The following PAPPA2 variants were observed in gnomAD, a reference collection of about 807,000 sequenced individuals.
The protein encoded by PAPPA2 is pappalysin 2.
Under a neutral mutation model 176.4 loss-of-function variants are expected in PAPPA2, and 86 were observed. That is an observed-to-expected ratio of 0.49 (90% confidence interval 0.41 to 0.58). The LOEUF (loss-of-function observed/expected upper bound fraction) is 0.58, where lower values mean the gene tolerates loss of function less well. PAPPA2 is among the 20% of genes least tolerant of loss of function. The probability of loss-of-function intolerance (pLI) is 0.00; values close to 1 mark genes in which losing one functional copy is unlikely to be tolerated. For missense variants in PAPPA2, 2,073 were observed against 2,256.9 expected (o/e 0.92, Z 1.65); for synonymous variants, 809 against 852.2 (o/e 0.95, Z 0.88).
At chr1:176,552,555 T>G (rs1286982209) in intron 1 of PAPPA2, among the ~76,000 whole-genome samples, 2 of 152,016 alleles carry the variant, frequency 1.3e-5, no homozygotes, top group African/African-American at 4.8e-5. Flanking sequence ...TCCAATTTCT[T>G]GCCTTATAGA....
chr1:176,638,317 G>T (rs960702780), intron 3 of PAPPA2, among the ~76,000 whole-genome samples: 2 of 151,886 alleles, frequency 1.3e-5, no homozygotes, highest in African/African-American at 4.8e-5. Flanking sequence ...AATTCTTTGG[G>T]TATTTCCTCT....
chr1:176,769,496 TC>T (rs1664122149), intron 15 of PAPPA2, 110 bp from the exon 16 acceptor site: 1 of 1,152,834 alleles, frequency 8.7e-7, no homozygotes, highest in Non-Finnish European at 1.3e-6. Flanking sequence ...AAATAATTTG[TC>T]CCGTTTTAAA....
At chr1:176,767,624 G>T (rs1664040036) in intron 15 of PAPPA2, among the ~76,000 whole-genome samples, 1 of 152,210 alleles carries the variant, frequency 6.6e-6, no homozygotes, top group Non-Finnish European at 1.5e-5. Context: ...GGGATTACAG[G>T]TGTGAGCCAC....
At chr1:176,763,327 G>A (rs535652786) in intron 14 of PAPPA2, among the ~76,000 whole-genome samples, 19 of 152,156 alleles carry the variant, frequency 1.2e-4, no homozygotes, top group Admixed American at 4.6e-4. Context: ...TATTCCCTAA[G>A]AGCATGGTTC....
At chr1:176,774,398 A>T (rs975247129) in intron 17 of PAPPA2, among the ~76,000 whole-genome samples, 1 of 152,152 alleles carries the variant, frequency 6.6e-6, no homozygotes, top group East Asian at 1.9e-4. Context: ...AACTATGCAA[A>T]ACAGAGCCTA....
chr1:176,548,275 G>A (rs907991714), intron 1 of PAPPA2, among the ~76,000 whole-genome samples: 10 of 151,946 alleles, frequency 6.6e-5, no homozygotes, highest in African/African-American at 2.2e-4. Context: ...TTGGCTATTT[G>A]TCTCTTAGAT....
At chr1:176,784,826 TC>T (rs1002647476) in intron 17 of PAPPA2, among the ~76,000 whole-genome samples, 2 of 152,108 alleles carry the variant, frequency 1.3e-5, no homozygotes, top group Admixed American at 1.3e-4. Flanking sequence ...GACCTCATGA[TC>T]CACCCACCTT....
chr1:176,647,932 T>C (rs1330789505), intron 3 of PAPPA2, among the ~76,000 whole-genome samples: 2 of 151,874 alleles, frequency 1.3e-5, no homozygotes, highest in East Asian at 3.9e-4. Context: ...TGGGGTCTTT[T>C]GAGGTTCCAT....
intron 21 of PAPPA2, among the ~76,000 whole-genome samples, chr1:176,806,992 C>A (rs1380517171): frequency 6.6e-6 from 1 of 152,120 alleles, no homozygotes; most frequent in Non-Finnish European, 1.5e-5. Flanking sequence ...CATTTCAAGA[C>A]CAATTCTGGT....
intron 17 of PAPPA2, among the ~76,000 whole-genome samples, chr1:176,787,716 G>C (rs982982213): frequency 1.3e-5 from 2 of 151,444 alleles, no homozygotes; most frequent in African/African-American, 4.9e-5. Context: ...TGAGGTCTTC[G>C]AGAAATTACT....
intron 3 of PAPPA2, among the ~76,000 whole-genome samples, chr1:176,626,078 T>C (rs2102701129): frequency 6.6e-6 from 1 of 152,280 alleles, no homozygotes; most frequent in Non-Finnish European, 1.5e-5. Flanking sequence ...AACTGCATTA[T>C]TTAAATAATT....
intron 14 of PAPPA2, among the ~76,000 whole-genome samples, chr1:176,757,717 A>G (rs1351080186): frequency 1.3e-5 from 2 of 152,070 alleles, no homozygotes; most frequent in African/African-American, 4.8e-5. Context: ...ATTAGAGCCC[A>G]TTTGTCAATT....
At chr1:176,718,562 A>G (rs772436391) in intron 12 of PAPPA2, among the ~76,000 whole-genome samples, 5 of 152,042 alleles carry the variant, frequency 3.3e-5, no homozygotes, top group Non-Finnish European at 7.4e-5. Flanking sequence ...GCTACATTTC[A>G]TAAGTTTTCA....
At chr1:176,721,880 A>G (rs1331554735) in intron 12 of PAPPA2, among the ~76,000 whole-genome samples, 1 of 151,682 alleles carries the variant, frequency 6.6e-6, no homozygotes, top group Admixed American at 6.6e-5. Context: ...TACATACATT[A>G]CACCTTTTTT....
chr1:176,632,228 GAT>G (rs1491251086), intron 3 of PAPPA2, among the ~76,000 whole-genome samples: 171 of 137,846 alleles, frequency 1.2e-3, no homozygotes, highest in African/African-American at 4.7e-3. Flanking sequence ...AATTAGTAGT[GAT>G]GTGTGTGTGT....
intron 4 of PAPPA2, among the ~76,000 whole-genome samples, chr1:176,674,375 A>C (rs1252893249): frequency 6.6e-6 from 1 of 152,062 alleles, no homozygotes; most frequent in Non-Finnish European, 1.5e-5. Context: ...AGCAGTGTAC[A>C]CTGTACCAGT....
rs372347029 is a variant in PAPPA2 at position 176,774,383 on chromosome 1, C to T, written c.4715+3203C>T. Among the ~76,000 whole-genome samples, 20 of 152,284 alleles carry T rather than the reference C, an allele frequency of 1.3e-4. No individual in the cohort carries two copies. In the East Asian group the frequency reaches 2.7e-3, roughly 21 times the overall value. ...TTGGATATCGTGTCTACATCTCAAA[C>T]TCTTAACTATGCAAAACAGAGCCTA... On this transcript the variant is annotated intron_variant, in intron 17 of 22. Coordinates refer to ENST00000367662, the MANE Select transcript of PAPPA2 (RefSeq NM_020318.3).
rs150480096 is a variant in PAPPA2, at chr1:176,799,835, C to G, written c.5131-226C>G. On this transcript the variant is annotated intron_variant, in intron 20 of 22. Coordinates refer to ENST00000367662, the MANE Select transcript of PAPPA2 (RefSeq NM_020318.3). ...TCTTGGGAAAGAGGATGAAAAGTTT[C>G]GAGAAATCTCCTCCACTGAGACTTC... 4.6e-5 allele frequency among the ~76,000 whole-genome samples: 7 copies of G among 152,004 alleles called. No individual in the cohort carries two copies. In the East Asian group the frequency reaches 9.7e-4, roughly 21 times the overall value.
chr1:176,753,955 T>C (rs1318214455), intron 14 of PAPPA2, among the ~76,000 whole-genome samples: 3 of 151,614 alleles, frequency 2.0e-5, no homozygotes, highest in Admixed American at 6.6e-5. Flanking sequence ...AGATGATGGA[T>C]GGCTGGCTGT....
Sources: gnomAD v4.1 joint callset for allele counts (sites outside exome capture counted in the v4.1 genomes callset) on GRCh38, gnomAD v4.1.1 for gene constraint, MANE v1.5 for transcripts, NCBI Gene and HGNC (gene_info 2026-07-23, HGNC 2026-07-21) for gene names.